Variants in ADH5 observed in about 807,000 individuals in gnomAD.
ADH5 encodes alcohol dehydrogenase class-3.
Under a neutral mutation model 40.3 loss-of-function variants are expected in ADH5, and 32 were observed. That is an observed-to-expected ratio of 0.79 (90% confidence interval 0.60 to 1.07). The LOEUF is 1.07. ADH5 is among the 50% of genes least tolerant of loss of function. The pLI is 0.00. For synonymous variants in ADH5, 125 were observed against 154.3 expected, an observed-to-expected ratio of 0.81 and a Z score of 1.41; for missense variants, 353 against 460.5, an observed-to-expected ratio of 0.77 and a Z score of 2.14.
chr4:99,082,348 G>A (rs1469822602), intron 2 of ADH5, among the ~76,000 whole-genome samples: 1 of 152,138 alleles, frequency 6.6e-6, no homozygotes, highest in Non-Finnish European at 1.5e-5. Context: ...GCATTTATAT[G>A]CAACGAAATA....
At position 99,074,842 on chromosome 4, in the gene ADH5, G is replaced by A. The variant is rs1727892475; in HGVS notation, c.961+72C>T. 4.1e-6 allele frequency: 6 copies of A among 1,460,204 alleles called. No individual in the cohort carries two copies. The South Asian group carries it at 7.3e-5, about 18-fold the overall frequency. The allele number at this position is 1,460,204 out of a possible 1,614,324, so 90.5% of individuals were successfully genotyped here. ...TTCTTGTTAATATAAAAAAAATTAG[G>A]TGGCTGGGATTAAACATCTGCCAAT... On this transcript the variant is annotated intron_variant, in intron 7 of 8. Coordinates refer to ENST00000296412, the MANE Select transcript of ADH5 (RefSeq NM_000671.4).
intron 1 of ADH5, among the ~76,000 whole-genome samples, chr4:99,086,283 T>TGTATC (rs28730575): frequency 6.6e-6 from 1 of 151,418 alleles, no homozygotes; most frequent in Admixed American, 6.6e-5. Context: ...ACGTGACTAA[T>TGTATC]TATAGCACAC....
Position 99,072,436 on chromosome 4 carries a change from C to G in ADH5, c.1106G>C (p.Arg369Pro). The change falls in exon 9 of 9, where the codon CGA (arginine) becomes CCA (proline). Residue 369 changes from arginine to proline, a missense_variant. Arg to Pro is a moderately radical substitution (Grantham distance 103). Coordinates refer to ENST00000296412, the MANE Select transcript of ADH5 (RefSeq NM_000671.4). ...TTTGAATTAAATCTTTACAACAGTT[C>G]GAATGCTGTAAAAGGAAGCAACATA... ...FELMHSGKSI[R>P]TVVKI The G allele has an allele frequency of 1.9e-6, 3 of 1,613,142 alleles. No individual in the cohort carries two copies. The highest frequency in any genetic ancestry group is 2.5e-6 in the Non-Finnish European group (3 of 1,179,376).
chr4:99,073,186 C>T (rs11934304), intron 7 of ADH5, among the ~76,000 whole-genome samples: 5 of 104,710 alleles, frequency 4.8e-5, no homozygotes, highest in East Asian at 6.6e-4. Context: ...TAAGTTTGTT[C>T]GTTTGTTTTT....
chr4:99,073,103 T>C (rs1727862392), intron 7 of ADH5, among the ~76,000 whole-genome samples: 1 of 152,222 alleles, frequency 6.6e-6, no homozygotes, highest in South Asian at 2.1e-4. Context: ...AATTTAACAA[T>C]GAAATAGGGA....
At chr4:99,084,396 T>TA in intron 2 of ADH5, among the ~76,000 whole-genome samples, 1 of 152,320 alleles carries the variant, frequency 6.6e-6, no homozygotes, top group South Asian at 2.1e-4. Context: ...TCATAGTGCA[T>TA]TTGTACACCA....
At chr4:99,074,169 A>G (rs1229950280) in intron 7 of ADH5, among the ~76,000 whole-genome samples, 6 of 152,140 alleles carry the variant, frequency 3.9e-5, no homozygotes, top group Admixed American at 3.9e-4. Context: ...CAAAACACAC[A>G]CTATGTGATT....
chr4:99,075,679 A>T, intron 6 of ADH5: 1 of 152,538 alleles, frequency 6.6e-6, no homozygotes, highest in African/African-American at 2.4e-5. Context: ...CTGAGTGTCT[A>T]TGTAGGTTTA....
chr4:99,076,565 A>G lies in ADH5; in HGVS notation c.565-13T>C, dbSNP rs749341990. 6.2e-7 allele frequency: 1 copy of G among 1,609,414 alleles called. No individual in the cohort carries two copies. Among genetic ancestry groups the G allele is most frequent in the South Asian group, 1.1e-5 (1 of 90,448 alleles). ...AGCCAGGCTCCAACTAGGAGTAAAG[A>G]AAGTTTATAAAGTACTCATTCTACC... On this transcript the variant is annotated splice_polypyrimidine_tract_variant and intron_variant, in intron 5 of 8. Coordinates refer to ENST00000296412, the MANE Select transcript of ADH5 (RefSeq NM_000671.4).
rs1727932713 is a variant in ADH5 at position 99,076,439 on chromosome 4, T to C, written c.678A>G (p.Lys226=). 1.9e-6 allele frequency: 3 copies of C among 1,614,090 alleles called. No homozygotes were observed. Among genetic ancestry groups the C allele is most frequent in the Non-Finnish European group, 2.5e-6 (3 of 1,180,044 alleles). ...ACTCTTTGGCCCTTGCAAATTTATC[T>C]TTATTGATGTCCACACCAATGATCC... ...ASRIIGVDIN[K]DKFARAKEFG... is the part of the protein sequence containing the mutation. Residue 226 remains lysine, a synonymous_variant, in exon 6 of 9, where the codon AAA becomes AAG. Coordinates refer to ENST00000296412, the MANE Select transcript of ADH5 (RefSeq NM_000671.4).
In ADH5 at chr4:99,072,437, G is replaced by A. The variant is rs761349329; in HGVS notation, c.1105C>T (p.Arg369Ter). Reference protein sequence around the residue: ...FELMHSGKSIRTVVKI With the variant: ...FELMHSGKSI ...TTGAATTAAATCTTTACAACAGTTC[G>A]AATGCTGTAAAAGGAAGCAACATAC... Residue 369 changes from arginine to a stop codon, truncating the protein, a stop_gained, in exon 9 of 9, where the codon CGA becomes TGA. Coordinates refer to ENST00000296412, the MANE Select transcript of ADH5 (RefSeq NM_000671.4). LOFTEE classifies it high-confidence loss of function. The A allele has an allele frequency of 1.2e-5, 20 of 1,613,024 alleles. No homozygotes were observed. The highest frequency in any genetic ancestry group is 2.2e-5 in the East Asian group (1 of 44,878).
intron 1 of ADH5, among the ~76,000 whole-genome samples, chr4:99,087,784 C>T (rs889242027): frequency 3.3e-5 from 5 of 152,200 alleles, no homozygotes; most frequent in Non-Finnish European, 5.9e-5. Context: ...TTCACCTTCT[C>T]TGAATAAAGA....
In ADH5 at chr4:99,072,027, C is replaced by CGTT. The variant is rs1727842951; in HGVS notation, c.*387_*389dup. The CGTT allele has an allele frequency of 5.5e-6, 1 of 182,602 alleles. No homozygotes were observed. The highest frequency in any genetic ancestry group is 1.1e-5 in the Non-Finnish European group (1 of 88,626). The allele number at this position is 182,602 out of a possible 1,614,324, so 11.3% of individuals were successfully genotyped here. On this transcript the variant is annotated 3_prime_UTR_variant, in exon 9 of 9. Coordinates refer to ENST00000296412, the MANE Select transcript of ADH5 (RefSeq NM_000671.4). Reference sequence around the variant, plus strand: ...GGGACTGAGACCCTTAAAAGTTCAACGTTATGTTTCTGAGGTTTCAGACAC... The same window carrying CGTT: ...GGGACTGAGACCCTTAAAAGTTCAACGTTGTTATGTTTCTGAGGTTTCAGACAC...
intron 2 of ADH5, 91 bp from the exon 3 acceptor site, chr4:99,082,207 A>T: frequency 7.6e-7 from 1 of 1,315,712 alleles, no homozygotes. Context: ...TTATAATACT[A>T]TATTTCATTG....
intron 2 of ADH5, among the ~76,000 whole-genome samples, chr4:99,083,690 A>G (rs1728073080): frequency 2.0e-5 from 3 of 150,790 alleles, no homozygotes; most frequent in Admixed American, 1.3e-4. Context: ...TGGGAGCATG[A>G]GCCAGTATGT....
chr4:99,076,127 G>C (rs552405106), intron 6 of ADH5, 165 bp downstream of exon 6: 4 of 669,250 alleles, frequency 6.0e-6, no homozygotes, highest in African/African-American at 5.4e-5. Flanking sequence ...AGCTGTTCTT[G>C]TATCATTTCC....
chr4:99,074,552 G>A (rs28730632), intron 7 of ADH5, among the ~76,000 whole-genome samples: 24,187 of 152,038 alleles, frequency 0.16, 2,211 homozygotes, highest in African/African-American at 0.26. Flanking sequence ...AAGCTACTTG[G>A]GTCCACAAGA....
intron 7 of ADH5, among the ~76,000 whole-genome samples, chr4:99,073,222 A>G (rs755853542): frequency 2.0e-5 from 3 of 152,244 alleles, no homozygotes; most frequent in Non-Finnish European, 4.4e-5. Context: ...TCTATCGCCT[A>G]GGCTGGAGTA....
At chr4:99,081,019 G>A (rs909073748) in intron 4 of ADH5, among the ~76,000 whole-genome samples, 1 of 152,148 alleles carries the variant, frequency 6.6e-6, no homozygotes, top group African/African-American at 2.4e-5. Context: ...TGAAGACTCT[G>A]TTTCTCTAGC....
Sources: allele counts gnomAD v4.1 joint callset (sites outside exome capture counted in the v4.1 genomes callset), GRCh38; gene constraint gnomAD v4.1.1; transcripts MANE v1.5; gene names NCBI Gene and HGNC (gene_info 2026-07-23, HGNC 2026-07-21).